ZNF98: variants seen among roughly 807,000 people sequenced by gnomAD.
ZNF98 encodes zinc finger protein 739.
Under a neutral mutation model 12.8 loss-of-function variants are expected in ZNF98, and 8 were observed. The ratio of observed to expected loss-of-function variants is 0.63; its 90% CI spans 0.37 to 1.13. ZNF98 has a LOEUF of 1.13. Ranked by LOEUF, ZNF98 falls within the 50% of genes most tolerant of loss-of-function variation. The probability of loss-of-function intolerance (pLI) is 0.01; values close to 1 mark genes in which losing one functional copy is unlikely to be tolerated. For synonymous variants in ZNF98, 112 were observed against 223.5 expected (o/e 0.50, Z 4.45); for missense variants, 379 against 666.1 (o/e 0.57, Z 4.74).
intron 1 of ZNF98, among the ~76,000 whole-genome samples, chr19:22,416,070 G>A (rs1421942985): frequency 6.6e-6 from 1 of 151,036 alleles, no homozygotes; most frequent in Non-Finnish European, 1.5e-5. Flanking sequence ...CTTGAACCCG[G>A]GAGGCAGAAG....
intron 1 of ZNF98, among the ~76,000 whole-genome samples, chr19:22,421,065 A>C (rs532282048): frequency 6.6e-6 from 1 of 152,298 alleles, no homozygotes; most frequent in South Asian, 2.1e-4. Flanking sequence ...CATATGTTCC[A>C]TATTCAAATA....
At chr19:22,417,670 G>A (rs1568297176) in intron 1 of ZNF98, among the ~76,000 whole-genome samples, 1 of 152,108 alleles carries the variant, frequency 6.6e-6, no homozygotes, top group African/African-American at 2.4e-5. Context: ...CAGATTCAGT[G>A]TCTGGGGGTT....
intron 1 of ZNF98, among the ~76,000 whole-genome samples, chr19:22,415,194 G>A (rs893612187): frequency 6.7e-6 from 1 of 149,134 alleles, no homozygotes; most frequent in African/African-American, 2.5e-5. Flanking sequence ...TCACACCAGT[G>A]AGAATGGCTA....
At position 22,422,183 on chromosome 19, in the gene ZNF98, C is replaced by T; in HGVS notation, c.30+12G>A. The T allele has an allele frequency of 1.9e-6, 3 of 1,612,938 alleles. No homozygotes were observed. The highest frequency in any genetic ancestry group is 1.7e-5 in the Admixed American group (1 of 59,980). ...TTCTCCTCTCTAGGGATGTCGGACT[C>T]GGCACTCTCACCATTTCTAGGCTTC... On this transcript the variant is annotated intron_variant, in intron 1 of 3. Coordinates refer to ENST00000357774, the MANE Select transcript of ZNF98 (RefSeq NM_001098626.2).
At chr19:22,415,985 A>G (rs1969637723) in intron 1 of ZNF98, among the ~76,000 whole-genome samples, 1 of 149,490 alleles carries the variant, frequency 6.7e-6, no homozygotes, top group African/African-American at 2.5e-5. Context: ...ACACACACAC[A>G]CACACACACT....
intron 1 of ZNF98, among the ~76,000 whole-genome samples, chr19:22,418,995 C>T (rs561730990): frequency 1.3e-5 from 2 of 152,290 alleles, no homozygotes; most frequent in East Asian, 1.9e-4. Context: ...CAATCTGAGT[C>T]GAAATACAAC....
At chr19:22,401,086 G>A (rs2145112282) in intron 3 of ZNF98, among the ~76,000 whole-genome samples, 1 of 146,904 alleles carries the variant, frequency 6.8e-6, no homozygotes, top group African/African-American at 2.6e-5. Context: ...CACAGCACTG[G>A]AAGTATGTGG....
At chr19:22,421,420 C>T (rs1298883590) in intron 1 of ZNF98, among the ~76,000 whole-genome samples, 2 of 152,026 alleles carry the variant, frequency 1.3e-5, no homozygotes, top group Non-Finnish European at 2.9e-5. Context: ...AAAATCAGTC[C>T]CACGTGGCGG....
intron 1 of ZNF98, among the ~76,000 whole-genome samples, chr19:22,416,363 G>C (rs1239395226): frequency 6.6e-6 from 1 of 151,958 alleles, no homozygotes; most frequent in African/African-American, 2.4e-5. Context: ...CCAGCTACTG[G>C]GGAGGCTGAG....
At chr19:22,404,625 G>A (rs1451775213) in intron 1 of ZNF98, among the ~76,000 whole-genome samples, 2 of 152,122 alleles carry the variant, frequency 1.3e-5, no homozygotes, top group Non-Finnish European at 2.9e-5. Context: ...AGAAGGACAC[G>A]GCATCACTGC....
chr19:22,394,657 C>T (rs987873648), intron 3 of ZNF98, among the ~76,000 whole-genome samples: 8 of 137,532 alleles, frequency 5.8e-5, no homozygotes, highest in Non-Finnish European at 9.2e-5. Flanking sequence ...GGACACAGGG[C>T]GGGGAACATC....
chr19:22,404,814 A>C (rs1969501767), intron 1 of ZNF98, among the ~76,000 whole-genome samples: 1 of 152,060 alleles, frequency 6.6e-6, no homozygotes, highest in South Asian at 2.1e-4. Context: ...TTTTTTTTCA[A>C]AACTGTCTGG....
intron 1 of ZNF98, 44 bp from the exon 2 acceptor site, chr19:22,403,556 T>C (rs375791832): frequency 6.5e-6 from 10 of 1,546,422 alleles, no homozygotes; most frequent in Non-Finnish European, 7.8e-6. Flanking sequence ...CAAGTGGCCA[T>C]AAACAGAATT....
chr19:22,401,805 C>T (rs1239752422), intron 3 of ZNF98, among the ~76,000 whole-genome samples: 3 of 151,514 alleles, frequency 2.0e-5, no homozygotes, highest in Non-Finnish European at 4.4e-5. Context: ...TATTAAAGTG[C>T]CGTGTTATCT....
chr19:22,405,195 G>T (rs1969505883), intron 1 of ZNF98, among the ~76,000 whole-genome samples: 1 of 146,822 alleles, frequency 6.8e-6, no homozygotes, highest in Admixed American at 7.0e-5. Context: ...GAAAAGTAAA[G>T]CTTTGCAAGT....
intron 1 of ZNF98, among the ~76,000 whole-genome samples, chr19:22,417,176 C>T (rs1335833479): frequency 7.5e-6 from 1 of 132,596 alleles, no homozygotes; most frequent in Non-Finnish European, 1.5e-5. Flanking sequence ...TTGCGGTGAG[C>T]CAAGATCGCG....
intron 1 of ZNF98, among the ~76,000 whole-genome samples, chr19:22,413,767 G>A (rs1969605967): frequency 6.6e-6 from 1 of 151,254 alleles, no homozygotes; most frequent in South Asian, 2.1e-4. Flanking sequence ...TACTCAGGAG[G>A]CTGAGGCAGG....
intron 1 of ZNF98, among the ~76,000 whole-genome samples, chr19:22,409,863 G>C (rs146369217): frequency 7.1e-4 from 98 of 138,854 alleles, no homozygotes; most frequent in Non-Finnish European, 1.3e-3. Flanking sequence ...AGTGAGCAGA[G>C]ATTGCGCCAC....
intron 3 of ZNF98, among the ~76,000 whole-genome samples, chr19:22,395,751 T>G (rs1969384318): frequency 6.6e-6 from 1 of 152,048 alleles, no homozygotes; most frequent in Admixed American, 6.5e-5. Context: ...AAGAAAGTCT[T>G]AGGAGCAGCA....
Sources: gnomAD v4.1 joint callset for allele counts (sites outside exome capture counted in the v4.1 genomes callset) on GRCh38, gnomAD v4.1.1 for gene constraint, MANE v1.5 for transcripts, NCBI Gene and HGNC (gene_info 2026-07-23, HGNC 2026-07-21) for gene names.